PCDH7: variants seen among roughly 807,000 people sequenced by gnomAD.
PCDH7 encodes the protein protocadherin-7.
Under a neutral mutation model 58.9 loss-of-function variants are expected in PCDH7, and 17 were observed. The ratio of observed to expected loss-of-function variants is 0.29; its 90% CI spans 0.20 to 0.43. PCDH7 has a LOEUF of 0.43. Ranked by LOEUF, PCDH7 falls within the 20% of genes least tolerant of loss-of-function variation. The probability of loss-of-function intolerance (pLI) is 1.00; values close to 1 mark genes in which losing one functional copy is unlikely to be tolerated. For missense variants in PCDH7, 1,274 were observed against 1,441.0 expected (o/e 0.88, Z 1.88); for synonymous variants, 664 against 616.4 (o/e 1.08, Z -1.14).
intron 1 of PCDH7, among the ~76,000 whole-genome samples, chr4:30,739,586 T>C (rs765732222): frequency 8.5e-5 from 13 of 152,188 alleles, no homozygotes; most frequent in Non-Finnish European, 1.5e-4. Context: ...CTAATGCTTA[T>C]ACTGTTAGGT....
intron 3 of PCDH7, among the ~76,000 whole-genome samples, chr4:31,068,647 A>ATT (rs1758290305): frequency 6.6e-6 from 1 of 151,962 alleles, no homozygotes; most frequent in Non-Finnish European, 1.5e-5. Flanking sequence ...GACCTACCCG[A>ATT]ATGTCCCCTC....
At chr4:31,064,852 G>A (rs999812056) in intron 3 of PCDH7, among the ~76,000 whole-genome samples, 1 of 151,658 alleles carries the variant, frequency 6.6e-6, no homozygotes. Flanking sequence ...AGTCAATTCA[G>A]TTCATAACAC....
At chr4:30,911,966 C>T (rs1385738015) in intron 1 of PCDH7, among the ~76,000 whole-genome samples, 1 of 151,964 alleles carries the variant, frequency 6.6e-6, no homozygotes, top group Non-Finnish European at 1.5e-5. Flanking sequence ...ATAATAAGCA[C>T]CTACACTCAT....
chr4:30,722,021 C>A lies in PCDH7; in HGVS notation c.599C>A (p.Ala200Glu), dbSNP rs922470014. Residue 200 changes from alanine to glutamate, a missense_variant, in exon 1 of 2, where the codon GCG becomes GAG. Physicochemically the swap from Ala to Glu is moderately radical, Grantham distance 107 (BLOSUM62 -1). Transcript: ENST00000361762. This position sits in a 1 kb window ranked among gnomAD's most constrained non-coding sequence, Gnocchi z 7.6. ...GGCGGCGAGAGCCGGCGCGCCGGGG[C>A]GGCCGACAGCGCCCCCTACCCCGGG... 1.2e-5 allele frequency: 15 copies of A among 1,255,544 alleles called. No individual in the cohort carries two copies. Among genetic ancestry groups the A allele is most frequent in the South Asian group, 6.2e-5 (2 of 32,252 alleles). The allele number at this position is 1,255,544 out of a possible 1,614,324, so 77.8% of individuals were successfully genotyped here. A position where few individuals can be genotyped will look rare whatever the true frequency, so the allele number is the denominator to read the frequency against.
At chr4:31,047,991 A>G (rs1185450675) in intron 3 of PCDH7, among the ~76,000 whole-genome samples, 2 of 152,052 alleles carry the variant, frequency 1.3e-5, no homozygotes, top group African/African-American at 4.8e-5. Context: ...AATAAATTTT[A>G]CCTTATGGTT....
At chr4:31,127,074 G>C (rs917642542) in intron 3 of PCDH7, among the ~76,000 whole-genome samples, 4 of 151,958 alleles carry the variant, frequency 2.6e-5, no homozygotes, top group Admixed American at 6.6e-5. Flanking sequence ...TGAAAATATT[G>C]GCAAAAACAA....
At chr4:30,889,137 C>CAAAAAAAAAAAAAAAAAAAAAA (rs371917620) in intron 1 of PCDH7, among the ~76,000 whole-genome samples, 16 of 49,990 alleles carry the variant, frequency 3.2e-4, no homozygotes, top group East Asian at 7.1e-4. Flanking sequence ...GCAGATATCT[C>CAAAAAAAAAAAAAAAAAAAAAA]AAAAAAAAAA....
At chr4:30,991,228 C>T (rs140658691) in intron 3 of PCDH7, among the ~76,000 whole-genome samples, 3 of 152,282 alleles carry the variant, frequency 2.0e-5, no homozygotes, top group African/African-American at 7.2e-5. Flanking sequence ...TAAATTATGC[C>T]ATTGGCTGAA....
At chr4:30,958,473 A>G (rs1364357864) in intron 3 of PCDH7, among the ~76,000 whole-genome samples, 1 of 152,024 alleles carries the variant, frequency 6.6e-6, no homozygotes, top group African/African-American at 2.4e-5. Context: ...ATAATTAATA[A>G]CTTAAGGTGA....
At chr4:30,796,955 C>T (rs1405682046) in intron 1 of PCDH7, among the ~76,000 whole-genome samples, 3 of 150,986 alleles carry the variant, frequency 2.0e-5, no homozygotes, top group African/African-American at 7.3e-5. Context: ...AAGTTGTTGG[C>T]GCTTTTTCTT....
At chr4:31,053,632 T>G (rs1756928288) in intron 3 of PCDH7, among the ~76,000 whole-genome samples, 1 of 152,126 alleles carries the variant, frequency 6.6e-6, no homozygotes, top group East Asian at 1.9e-4. Context: ...CTGAGTCATC[T>G]CTGCTCCTCT....
At chr4:30,977,923 C>A (rs1255931880) in intron 3 of PCDH7, among the ~76,000 whole-genome samples, 2 of 152,096 alleles carry the variant, frequency 1.3e-5, no homozygotes, top group Admixed American at 6.5e-5. Context: ...TGGTGGAGAG[C>A]GTTGCGTATA....
At chr4:31,082,308 T>G (rs1711599896) in intron 3 of PCDH7, among the ~76,000 whole-genome samples, 1 of 152,214 alleles carries the variant, frequency 6.6e-6, no homozygotes, top group African/African-American at 2.4e-5. Context: ...ACCTTAAGAC[T>G]AGTGTAAGGT....
intron 3 of PCDH7, among the ~76,000 whole-genome samples, chr4:31,004,464 C>A (rs976310407): frequency 1.3e-5 from 2 of 152,112 alleles, no homozygotes; most frequent in African/African-American, 4.8e-5. Context: ...AATCCCAGCA[C>A]TTTGGGAGGC....
rs1177766711 is a variant in PCDH7, at chr4:30,918,692, T to C, written c.71-1461T>C. Among the ~76,000 whole-genome samples, 9 of 152,262 alleles carry C rather than the reference T, an allele frequency of 5.9e-5. No individual in the cohort carries two copies. The East Asian group carries it at 1.7e-3, about 29-fold the overall frequency. On this transcript the variant is annotated intron_variant, in intron 1 of 3. Transcript: ENST00000509759. Reference sequence around the variant, plus strand: ...TTCCTTTTGTATTAAGATTCAACTATTCTGATTTTGACTTTGAATTAGAAT... The same window carrying C: ...TTCCTTTTGTATTAAGATTCAACTACTCTGATTTTGACTTTGAATTAGAAT...
chr4:31,146,442 G>A (rs1720678704), downstream of PCDH7: 1 of 152,032 alleles, frequency 6.6e-6, no homozygotes. Context: ...CCTAGGTGAA[G>A]GTGTAATGAT....
chr4:31,099,486 G>A (rs1259764067), intron 3 of PCDH7, among the ~76,000 whole-genome samples: 1 of 152,208 alleles, frequency 6.6e-6, no homozygotes, highest in Non-Finnish European at 1.5e-5. Flanking sequence ...GTTAGGGAAA[G>A]TGATGTGGAA....
intron 3 of PCDH7, among the ~76,000 whole-genome samples, chr4:31,088,420 T>C (rs1712759915): frequency 6.6e-6 from 1 of 152,046 alleles, no homozygotes; most frequent in Non-Finnish European, 1.5e-5. Context: ...AAACAACTAC[T>C]TAGAGAAAGT....
At chr4:30,779,812 C>T (rs796100647) in intron 1 of PCDH7, among the ~76,000 whole-genome samples, 15 of 152,174 alleles carry the variant, frequency 9.9e-5, no homozygotes, top group African/African-American at 3.1e-4. Flanking sequence ...TTCAAGGCTC[C>T]CCAAGTAGCT....
Sources: gnomAD v4.1 joint callset for allele counts (sites outside exome capture counted in the v4.1 genomes callset) on GRCh38, gnomAD v4.1.1 for gene constraint, Gnocchi (gnomAD v3.1) non-coding constraint, MANE v1.5 for transcripts, NCBI Gene and HGNC (gene_info 2026-07-23, HGNC 2026-07-21) for gene names.